The following CEP128 variants were observed in gnomAD, a reference collection of about 807,000 sequenced individuals.
CEP128 encodes centrosomal protein 128.
In CEP128, 132 loss-of-function variants were observed where a neutral mutation model predicts 156.7. The ratio of observed to expected loss-of-function variants is 0.84; its 90% CI spans 0.73 to 0.97. CEP128 has a LOEUF of 0.97. Ranked by LOEUF, CEP128 falls within the 50% of genes least tolerant of loss-of-function variation. The pLI is 0.00. For synonymous variants in CEP128, 469 were observed against 448.9 expected, an observed-to-expected ratio of 1.04 and a Z score of -0.57; for missense variants, 1,252 against 1,281.9, an observed-to-expected ratio of 0.98 and a Z score of 0.36.
intron 19 of CEP128, among the ~76,000 whole-genome samples, chr14:80,739,945 C>T (rs994966510): frequency 2.6e-5 from 4 of 152,064 alleles, no homozygotes; most frequent in African/African-American, 7.2e-5. Flanking sequence ...CAAATATTTG[C>T]TGATTTTTAT....
At chr14:80,562,655 CTTTT>C (rs1170778718) in intron 20 of CEP128, among the ~76,000 whole-genome samples, 2 of 114,366 alleles carry the variant, frequency 1.7e-5, no homozygotes, top group East Asian at 4.9e-4. Context: ...CTTTTCTTTT[CTTTT>C]TTTTTTTTTT....
At chr14:80,919,355 A>G (rs1884727752) in intron 2 of CEP128, among the ~76,000 whole-genome samples, 1 of 152,196 alleles carries the variant, frequency 6.6e-6, no homozygotes, top group Non-Finnish European at 1.5e-5. Flanking sequence ...AGACTAATAA[A>G]CATGCATGTA....
rs188626340 is a variant in CEP128, at chr14:80,953,278, G to A, written c.-172+4900C>T. Among the ~76,000 whole-genome samples the A allele has an allele frequency of 3.3e-5, 5 of 152,306 alleles. No individual in the cohort carries two copies. In the East Asian group the frequency reaches 9.7e-4, roughly 29 times the overall value. ...CAGAATTTTAGCAAATCCAATGAAG[G>A]AGTATATTAAAAAGATGATAAACAC... On this transcript the variant is annotated intron_variant, in intron 2 of 7. Transcript: ENST00000555529.
At chr14:80,531,174 T>C (rs1254045235) in intron 21 of CEP128, among the ~76,000 whole-genome samples, 1 of 152,234 alleles carries the variant, frequency 6.6e-6, no homozygotes, top group African/African-American at 2.4e-5. Context: ...AAACTTTCTA[T>C]AGACTATTTC....
At chr14:80,608,410 G>T (rs1892869354) in intron 19 of CEP128, among the ~76,000 whole-genome samples, 1 of 152,090 alleles carries the variant, frequency 6.6e-6, no homozygotes, top group Non-Finnish European at 1.5e-5. Flanking sequence ...ATGTAAAATT[G>T]AACTTTATAC....
downstream of CEP128, among the ~76,000 whole-genome samples, chr14:80,492,820 T>A (rs1175175727): frequency 1.3e-5 from 2 of 152,164 alleles, no homozygotes; most frequent in Non-Finnish European, 2.9e-5. Flanking sequence ...AAGTATGATT[T>A]TAAGAAAATA....
chr14:80,798,653 A>G lies in CEP128; in HGVS notation c.1210-5543T>C, dbSNP rs78923827. On this transcript the variant is annotated intron_variant, in intron 13 of 24. Coordinates refer to ENST00000555265, the MANE Select transcript of CEP128 (RefSeq NM_152446.5). ...TATTATTTAAGTAAAACTTTATTTC[A>G]GCGTAGAAAACTACTTATCATCCAA... Among the ~76,000 whole-genome samples, 909 of 152,326 alleles carry G rather than the reference A, an allele frequency of 6.0e-3. 9 individuals carry two copies. The highest frequency in any genetic ancestry group is 0.021 in the African/African-American group (872 of 41,560).
At chr14:80,607,444 C>T (rs909260754) in intron 19 of CEP128, among the ~76,000 whole-genome samples, 1 of 152,064 alleles carries the variant, frequency 6.6e-6, no homozygotes, top group Non-Finnish European at 1.5e-5. Context: ...AATTTATAAA[C>T]CTTCATCTTT....
intron 19 of CEP128, among the ~76,000 whole-genome samples, chr14:80,733,638 C>A (rs921809405): frequency 1.3e-5 from 2 of 151,912 alleles, no homozygotes; most frequent in African/African-American, 4.8e-5. Context: ...TTTAAAAATT[C>A]CCTAAAGATT....
In CEP128 at chr14:80,838,242, T is replaced by G; in HGVS notation, c.886A>C (p.Asn296His). 2 of 1,613,650 alleles carry G rather than the reference T, an allele frequency of 1.2e-6. No homozygotes were observed. The highest frequency in any genetic ancestry group is 1.7e-6 in the Non-Finnish European group (2 of 1,179,720). ...GTTTCTCGGCTGCCTTCTGATTGAT[T>G]CAATAACCTTCGAGATAGCTCCAAT... ...QELELSRRLLNQSEGSRETLL... is the reference protein window; with the variant it reads ...QELELSRRLLHQSEGSRETLL... Residue 296 changes from asparagine to histidine, a missense_variant, in exon 11 of 25, where the codon AAT (asparagine) becomes CAT (histidine). Physicochemically the swap from Asn to His is moderately conservative, Grantham distance 68. Coordinates refer to ENST00000555265, the MANE Select transcript of CEP128 (RefSeq NM_152446.5).
chr14:80,596,526 C>T (rs75038005), intron 19 of CEP128, among the ~76,000 whole-genome samples: 1 of 151,930 alleles, frequency 6.6e-6, no homozygotes, highest in Non-Finnish European at 1.5e-5. Flanking sequence ...AAAATGAAAA[C>T]AGCTAGGCAC....
Position 80,530,732 on chromosome 14 carries a change from T to C in CEP128, c.2958+77A>G. 3.9e-6 allele frequency: 4 copies of C among 1,028,896 alleles called. No individual in the cohort carries two copies. The South Asian group carries it at 5.3e-5, about 14-fold the overall frequency. 63.7% of individuals were successfully genotyped at this position (1,028,896 alleles called of 1,614,324 possible). On this transcript the variant is annotated intron_variant, in intron 22 of 24. Transcript: ENST00000555265. ...TGGTCCTTCTTCCTTTTCTATACTT[T>C]TCTTTGCACATCAGGAAGATGTCAA...
chr14:80,833,697 T>C (rs1004435258), intron 12 of CEP128, among the ~76,000 whole-genome samples: 1 of 151,894 alleles, frequency 6.6e-6, no homozygotes, highest in Admixed American at 6.6e-5. Flanking sequence ...CCTTTAGTAA[T>C]AGAAAAGAAA....
intron 19 of CEP128, among the ~76,000 whole-genome samples, chr14:80,615,847 T>TGAAA (rs1893187019): frequency 7.0e-6 from 1 of 142,348 alleles, no homozygotes; most frequent in Non-Finnish European, 1.5e-5. Flanking sequence ...AAACTCCATC[T>TGAAA]CAAATAAATA....
chr14:80,623,127 C>T (rs1893557820), intron 19 of CEP128, among the ~76,000 whole-genome samples: 1 of 151,642 alleles, frequency 6.6e-6, no homozygotes, highest in African/African-American at 2.4e-5. Context: ...TACTATGCAG[C>T]CATAAAAAAT....
At chr14:80,944,858 CAG>C (rs1411471143), upstream of CEP128, among the ~76,000 whole-genome samples, 10,275 of 54,830 alleles carry the variant, frequency 0.19, 935 homozygotes, top group Admixed American at 0.24. Flanking sequence ...AAAAAAAAAA[CAG>C]AAAAAACAGA....
At chr14:80,725,007 A>G (rs1897963494) in intron 19 of CEP128, among the ~76,000 whole-genome samples, 1 of 146,216 alleles carries the variant, frequency 6.8e-6, no homozygotes, top group Non-Finnish European at 1.5e-5. Flanking sequence ...TCATATATAT[A>G]TATACATATA....
chr14:80,677,556 T>C (rs1389672278), intron 19 of CEP128, among the ~76,000 whole-genome samples: 1 of 148,842 alleles, frequency 6.7e-6, no homozygotes, highest in Non-Finnish European at 1.5e-5. Flanking sequence ...ACCCAGGTGG[T>C]TTTAATAGAA....
chr14:80,480,364 C>T (rs893151171), intron 14 of CEP128, among the ~76,000 whole-genome samples: 2 of 152,150 alleles, frequency 1.3e-5, no homozygotes, highest in African/African-American at 4.8e-5. Context: ...TTCTATGTAC[C>T]CGCAGGCTCA....
Sources: gnomAD v4.1 joint callset for allele counts (sites outside exome capture counted in the v4.1 genomes callset) on GRCh38, gnomAD v4.1.1 for gene constraint, MANE v1.5 for transcripts, NCBI Gene and HGNC (gene_info 2026-07-23, HGNC 2026-07-21) for gene names.